Variants in NLRP8 observed in about 807,000 individuals in gnomAD.
NLRP8 encodes the protein NACHT, LRR and PYD domains-containing protein 8.
A neutral mutation model predicts 88.7 loss-of-function variants in NLRP8; 86 were observed. The ratio of observed to expected loss-of-function variants is 0.97; its 90% CI spans 0.81 to 1.16. NLRP8 has a LOEUF of 1.16. Among genes scored for constraint, NLRP8 ranks in the 50% most tolerant of loss-of-function variants. The probability of loss-of-function intolerance (pLI) is 0.00; values close to 1 mark genes in which losing one functional copy is unlikely to be tolerated. For synonymous variants in NLRP8, 504 were observed against 494.6 expected (o/e 1.02, Z -0.25); for missense variants, 1,342 against 1,286.5 (o/e 1.04, Z -0.66).
rs368088277 is a variant in NLRP8, at chr19:55,970,661, G to C, written c.2499G>C (p.Ala833=). The C allele has an allele frequency of 1.2e-6, 2 of 1,613,954 alleles. No homozygotes were observed. The highest frequency in any genetic ancestry group is 1.7e-6 in the Non-Finnish European group (2 of 1,180,016). ...AAAACTCCCTGGAGAACTGTGGGGC[G>C]TATTACCTGTCTGTGGCCCAGCTGG... The change falls in exon 6 of 10, where the codon GCG becomes GCC. Residue 833 remains alanine, a synonymous_variant. Coordinates refer to ENST00000291971, the MANE Select transcript of NLRP8 (RefSeq NM_176811.2).
At chr19:55,959,363 C>T (rs1979513420) in intron 3 of NLRP8, among the ~76,000 whole-genome samples, 1 of 151,588 alleles carries the variant, frequency 6.6e-6, no homozygotes, top group South Asian at 2.1e-4. Context: ...AGGCGCCCGC[C>T]ACCACGCCTG....
Position 55,956,495 on chromosome 19 carries a change from C to T in NLRP8, c.2042+395C>T, listed in dbSNP as rs893582750. Reference sequence around the variant, plus strand: ...CTGACCTCAGGTCATCCGCCCACCTCGGCCTCCCAAATTGCTGGGATTACA... The same window carrying T: ...CTGACCTCAGGTCATCCGCCCACCTTGGCCTCCCAAATTGCTGGGATTACA... On this transcript the variant is annotated intron_variant, in intron 3 of 9. Transcript: ENST00000291971. Among the ~76,000 whole-genome samples, 6 of 152,268 alleles carry T rather than the reference C, an allele frequency of 3.9e-5. 1 individual carries two copies. Among genetic ancestry groups the T allele is most frequent in the South Asian group, 4.1e-4 (2 of 4,820 alleles).
chr19:55,985,675 C>A lies in NLRP8; in HGVS notation c.3048-2139C>A, dbSNP rs1460388678. On this transcript the variant is annotated intron_variant, in intron 9 of 9. Transcript: ENST00000291971. Reference sequence around the variant, plus strand: ...AAGACCTTCATGACCTAAGGAGAGACCATAAATTTTAAAATGCATTCACCA... The same window carrying A: ...AAGACCTTCATGACCTAAGGAGAGAACATAAATTTTAAAATGCATTCACCA... Among the ~76,000 whole-genome samples, 4 of 152,126 alleles carry A rather than the reference C, an allele frequency of 2.6e-5. No homozygotes were observed. In the South Asian group the frequency reaches 6.2e-4, roughly 24 times the overall value.
chr19:55,953,680 A>G (rs968480012), intron 2 of NLRP8, among the ~76,000 whole-genome samples: 2 of 148,434 alleles, frequency 1.3e-5, no homozygotes, highest in African/African-American at 2.5e-5. Context: ...TTGTATGTTT[A>G]GTAGAGATGG....
Position 55,970,633 on chromosome 19 carries a change from GA to G in NLRP8, c.2477del (p.Asn826ThrfsTer21), listed in dbSNP as rs1980034128. 2 of 1,613,942 alleles carry G rather than the reference GA, an allele frequency of 1.2e-6. No individual in the cohort carries two copies. Among genetic ancestry groups the G allele is most frequent in the African/African-American group, 1.3e-5 (1 of 74,890 alleles). ...GGGCATCTAAAGACTCTCATACTAA[GA>G]AAAAACTCCCTGGAGAACTGTGGGG... On this transcript the variant is annotated frameshift_variant, in exon 6 of 10. Transcript: ENST00000291971. LOFTEE classifies it high-confidence loss of function.
chr19:55,955,218 C>A lies in NLRP8; in HGVS notation c.1160C>A (p.Thr387Asn). Residue 387 changes from threonine (T) to asparagine (N), a missense_variant, in exon 3 of 10, where the codon ACC becomes AAC. Physicochemically the swap from Thr to Asn is moderately conservative, Grantham distance 65 (BLOSUM62 0). Coordinates refer to ENST00000291971, the MANE Select transcript of NLRP8 (RefSeq NM_176811.2). ...GTCTTGAGTTTCGCCATGGAAAACA[C>A]CATTCTCTTCTCCATGTGCCGGGTC... 1 of 1,614,154 alleles carries A rather than the reference C, an allele frequency of 6.2e-7. No homozygotes were observed. The highest frequency in any genetic ancestry group is 8.5e-7 in the Non-Finnish European group (1 of 1,180,034).
chr19:55,979,414 C>G lies in NLRP8; in HGVS notation c.2897C>G (p.Thr966Ser), dbSNP rs918668223. ...CACAGGCTGGAAAACTGCCTGTTCA[C>G]CTCCATCTGCTGCCAGGCCATGGCT... is the stretch of plus-strand genomic sequence containing the variant. Residue 966 changes from threonine (T) to serine (S), a missense_variant, in exon 9 of 10, where the codon ACC becomes AGC. By Grantham distance (58) the Thr-to-Ser change is moderately conservative (BLOSUM62 1). Transcript: ENST00000291971. 1 of 1,613,922 alleles carries G rather than the reference C, an allele frequency of 6.2e-7. No individual in the cohort carries two copies. The highest frequency in any genetic ancestry group is 8.5e-7 in the Non-Finnish European group (1 of 1,180,026).
In NLRP8 at chr19:55,987,994, G is replaced by C; in HGVS notation, c.*81G>C. 9.4e-7 allele frequency: 1 copy of C among 1,060,522 alleles called. No homozygotes were observed. Among genetic ancestry groups the C allele is most frequent in the Admixed American group, 1.8e-5 (1 of 56,368 alleles). 65.7% of individuals were successfully genotyped at this position (1,060,522 alleles called of 1,614,324 possible). A position where few individuals can be genotyped will look rare whatever the true frequency, so the allele number is the denominator to read the frequency against. ...GGCAAATACCAGGCGTTATCATCCTGTATGCATTAACGTACTTTCCCCTGA... is the reference window on the plus strand; with the variant it reads ...GGCAAATACCAGGCGTTATCATCCTCTATGCATTAACGTACTTTCCCCTGA... On this transcript the variant is annotated 3_prime_UTR_variant, in exon 10 of 10. Coordinates refer to ENST00000291971, the MANE Select transcript of NLRP8 (RefSeq NM_176811.2).
chr19:55,956,125 G>A (rs201784965), intron 3 of NLRP8, 25 bp downstream of exon 3: 1 of 1,592,744 alleles, frequency 6.3e-7, no homozygotes, highest in East Asian at 2.2e-5. Flanking sequence ...CCCTCCTTGG[G>A]TAGCCCGTCC....
At chr19:55,982,743 A>G (rs546880603) in intron 9 of NLRP8, among the ~76,000 whole-genome samples, 21 of 152,280 alleles carry the variant, frequency 1.4e-4, no homozygotes, top group Non-Finnish European at 2.6e-4. Context: ...AGAGTTAGTG[A>G]CCAGCCTGGG....
rs533410397 is a variant in NLRP8 at position 55,962,049 on chromosome 19, C to G, written c.2043-18C>G. On this transcript the variant is annotated intron_variant, in intron 3 of 9. Transcript: ENST00000291971. ...AGTTTAACGAAGAGGTGTTTTCTCTCTTCTCCCTTCCATGTAGAGCGCCAG... is the reference window on the plus strand; with the variant it reads ...AGTTTAACGAAGAGGTGTTTTCTCTGTTCTCCCTTCCATGTAGAGCGCCAG... 1 of 1,609,610 alleles carries G rather than the reference C, an allele frequency of 6.2e-7. No individual in the cohort carries two copies. Among genetic ancestry groups the G allele is most frequent in the African/African-American group, 1.3e-5 (1 of 74,722 alleles).
intron 4 of NLRP8, among the ~76,000 whole-genome samples, chr19:55,963,455 A>C (rs565243266): frequency 1.4e-4 from 21 of 152,288 alleles, no homozygotes; most frequent in Admixed American, 7.8e-4. Context: ...CTAACACACC[A>C]CTGTTAGCAG....
chr19:55,947,907 G>A lies in NLRP8; in HGVS notation c.5G>A (p.Ser2Asn), dbSNP rs770662475. The change falls in exon 1 of 10, where the codon AGT becomes AAT. Residue 2 changes from serine (S) to asparagine (N), a missense_variant. Ser to Asn is a conservative substitution (Grantham distance 46, BLOSUM62 1). Transcript: ENST00000291971. ...TGTTCTCTGCCTTGACTAAAGATGA[G>A]TGACGTGAATCCACCCTCTGACACC... 6.2e-7 allele frequency: 1 copy of A among 1,608,858 alleles called. No individual in the cohort carries two copies. Among genetic ancestry groups the A allele is most frequent in the South Asian group, 1.1e-5 (1 of 90,046 alleles).
intron 4 of NLRP8, 94 bp from the exon 5 acceptor site, chr19:55,966,119 C>T: frequency 1.8e-6 from 2 of 1,142,180 alleles, no homozygotes; most frequent in Non-Finnish European, 2.6e-6. Context: ...GCACCTGTCC[C>T]ACGTGCAGCT....
chr19:55,956,859 C>T (rs1979378880), intron 3 of NLRP8, among the ~76,000 whole-genome samples: 1 of 152,070 alleles, frequency 6.6e-6, no homozygotes, highest in Non-Finnish European at 1.5e-5. Context: ...GTGGTACGAT[C>T]GTGGCTCACT....
At chr19:55,950,350 C>G (rs1186870923) in intron 1 of NLRP8, among the ~76,000 whole-genome samples, 1 of 151,808 alleles carries the variant, frequency 6.6e-6, no homozygotes, top group African/African-American at 2.4e-5. Context: ...ACCCAGGAGG[C>G]AGAGGTTGCA....
chr19:55,982,641 C>G (rs991350574), intron 9 of NLRP8, among the ~76,000 whole-genome samples: 2 of 152,180 alleles, frequency 1.3e-5, no homozygotes, highest in African/African-American at 4.8e-5. Flanking sequence ...AGAAGTAAGA[C>G]AATGCTCAGA....
chr19:55,957,573 C>A (rs137884563), intron 3 of NLRP8, among the ~76,000 whole-genome samples: 17,332 of 150,880 alleles, frequency 0.11, 1,174 homozygotes, highest in South Asian at 0.18. Context: ...GTAATCCCAG[C>A]TACTCGGGAG....
rs747509417 is a variant in NLRP8, at chr19:55,970,674, G to T, written c.2512G>T (p.Val838Leu). ...GAACTGTGGGGCGTATTACCTGTCT[G>T]TGGCCCAGCTGGAGAGGCTGTCGTA... is the stretch of plus-strand genomic sequence containing the variant. The change falls in exon 6 of 10, where the codon GTG (valine) becomes TTG (leucine). Residue 838 changes from valine (V) to leucine (L), a missense_variant. Coordinates refer to ENST00000291971, the MANE Select transcript of NLRP8 (RefSeq NM_176811.2). The T allele has an allele frequency of 3.7e-5, 59 of 1,613,976 alleles. No individual in the cohort carries two copies. In the South Asian group the frequency reaches 6.1e-4, roughly 17 times the overall value.
Sources: gnomAD v4.1 joint callset for allele counts (sites outside exome capture counted in the v4.1 genomes callset) on GRCh38, gnomAD v4.1.1 for gene constraint, MANE v1.5 for transcripts, NCBI Gene and HGNC (gene_info 2026-07-23, HGNC 2026-07-21) for gene names.